TP73: variants seen among roughly 807,000 people sequenced by gnomAD.
TP73 encodes the protein tumor protein p73.
TP73 carries 25 observed loss-of-function variants against 62.5 expected under a neutral mutation model. The observed-to-expected ratio is 0.40, with a 90% CI of 0.29 to 0.56. The LOEUF (loss-of-function observed/expected upper bound fraction) is 0.56, where lower values mean the gene tolerates loss of function less well. Ranked by LOEUF, TP73 falls within the 20% of genes least tolerant of loss-of-function variation. TP73 has a pLI of 0.46. For missense variants in TP73, 754 were observed against 913.3 expected, an observed-to-expected ratio of 0.83 and a Z score of 2.25; for synonymous variants, 423 against 377.5, an observed-to-expected ratio of 1.12 and a Z score of -1.40.
intron 1 of TP73, among the ~76,000 whole-genome samples, chr1:3,676,229 G>A (rs1645364809): frequency 6.6e-6 from 1 of 150,838 alleles, no homozygotes; most frequent in Non-Finnish European, 1.5e-5. Flanking sequence ...AGAGGTCAAA[G>A]GGACAGGGAA....
At chr1:3,705,374 C>A (rs1354093018) in intron 3 of TP73, among the ~76,000 whole-genome samples, 1 of 152,202 alleles carries the variant, frequency 6.6e-6, no homozygotes, top group South Asian at 2.1e-4. Context: ...TTGTGGGGAG[C>A]GCGACAGACC....
chr1:3,653,132 C>T (rs748929976), intron 1 of TP73, among the ~76,000 whole-genome samples: 1 of 152,258 alleles, frequency 6.6e-6, no homozygotes, highest in Non-Finnish European at 1.5e-5. Flanking sequence ...GGGCCAGGCC[C>T]CCCTCTGGAC....
Position 3,731,088 on chromosome 1 carries a change from G to A in TP73, c.1484+23G>A, listed in dbSNP as rs1250396844. On this transcript the variant is annotated intron_variant, in intron 12 of 13. Transcript: ENST00000378295. ...CAGGTGCGTGGGCTGCCGAGGGCCT[G>A]AGCATGTGCTGTCACCCTGTCTGTT... 3.7e-6 allele frequency: 6 copies of A among 1,604,448 alleles called. 1 individual carries two copies. The Admixed American group carries it at 5.0e-5, about 13-fold the overall frequency.
At chr1:3,683,935 C>T (rs1645584993) in intron 3 of TP73, among the ~76,000 whole-genome samples, 1 of 152,254 alleles carries the variant, frequency 6.6e-6, no homozygotes, top group Non-Finnish European at 1.5e-5. Flanking sequence ...CCAGTGAGGC[C>T]TCCGGCACCC....
chr1:3,723,681 G>A (rs1451765571), intron 6 of TP73, among the ~76,000 whole-genome samples: 2 of 152,204 alleles, frequency 1.3e-5, no homozygotes, highest in Non-Finnish European at 2.9e-5. Context: ...CTGCTGCTCT[G>A]TCCCCACATC....
intron 1 of TP73, among the ~76,000 whole-genome samples, chr1:3,653,300 A>C (rs760672317): frequency 2.6e-5 from 4 of 152,184 alleles, no homozygotes; most frequent in Non-Finnish European, 4.4e-5. Flanking sequence ...GCCCGTGAAG[A>C]AATGGCCCGG....
intron 4 of TP73, among the ~76,000 whole-genome samples, chr1:3,721,179 G>A (rs896822880): frequency 6.6e-5 from 10 of 152,352 alleles, no homozygotes; most frequent in Middle Eastern, 3.4e-3. Flanking sequence ...CATGAGAGCC[G>A]GCCTGGGTCC....
At chr1:3,720,345 C>T (rs1025330899) in intron 4 of TP73, among the ~76,000 whole-genome samples, 1 of 152,192 alleles carries the variant, frequency 6.6e-6, no homozygotes, top group Non-Finnish European at 1.5e-5. Context: ...AGGTGGGGGT[C>T]GCAGGCAGGG....
chr1:3,691,989 A>G (rs1005383781), intron 3 of TP73, among the ~76,000 whole-genome samples: 18 of 152,082 alleles, frequency 1.2e-4, no homozygotes, highest in East Asian at 3.9e-4. Flanking sequence ...GTGTGCGTGC[A>G]TGTGTGTGTC....
intron 1 of TP73, among the ~76,000 whole-genome samples, chr1:3,676,424 G>T (rs1645370976): frequency 7.3e-6 from 1 of 137,636 alleles, no homozygotes; most frequent in Non-Finnish European, 1.6e-5. Context: ...GAGACAGGGG[G>T]ACAGGGAGAG....
intron 4 of TP73, among the ~76,000 whole-genome samples, chr1:3,711,125 C>T (rs1222617351): frequency 3.3e-5 from 5 of 152,256 alleles, no homozygotes; most frequent in Non-Finnish European, 5.9e-5. Flanking sequence ...GGCATCCTCA[C>T]CTGCAAAGAG....
intron 1 of TP73, among the ~76,000 whole-genome samples, chr1:3,657,156 G>T (rs1037352688): frequency 2.0e-5 from 3 of 152,252 alleles, no homozygotes; most frequent in Non-Finnish European, 4.4e-5. Flanking sequence ...TAAGTGGCTG[G>T]AAACAATAGA....
chr1:3,683,526 G>A (rs1183532448), intron 3 of TP73, among the ~76,000 whole-genome samples: 1 of 152,136 alleles, frequency 6.6e-6, no homozygotes, highest in Non-Finnish European at 1.5e-5. Context: ...TTCTACTGGT[G>A]GATCCAGGTA....
At chr1:3,727,043 TG>T (rs1641706418) in intron 6 of TP73, 71 bp from the exon 7 acceptor site, 4 of 1,339,258 alleles carry the variant, frequency 3.0e-6, no homozygotes, top group Non-Finnish European at 4.2e-6. Context: ...GACATGGAGC[TG>T]GGGGCTGCCA....
In TP73 at chr1:3,684,910, A is replaced by ACCTCTCC. The variant is rs560138146; in HGVS notation, c.186+1737_186+1743dup. Among the ~76,000 whole-genome samples, 34 of 151,796 alleles carry ACCTCTCC rather than the reference A, an allele frequency of 2.2e-4. No homozygotes were observed. The South Asian group carries it at 6.7e-3, about 30-fold the overall frequency. ...GGTAGTGCAAGAAAGTGAGACTGCA[A>ACCTCTCC]CCTCTCCCCTCTCTCGCTTTGGAAC... is the stretch of plus-strand genomic sequence containing the variant. On this transcript the variant is annotated intron_variant, in intron 3 of 13. Coordinates refer to ENST00000378295, the MANE Select transcript of TP73 (RefSeq NM_005427.4).
At chr1:3,713,551 T>A (rs1640339416) in intron 4 of TP73, among the ~76,000 whole-genome samples, 2 of 152,304 alleles carry the variant, frequency 1.3e-5, no homozygotes, top group South Asian at 4.1e-4. Flanking sequence ...GGTGGGTTTC[T>A]GCCACCCCAG....
rs770296050 is a variant in TP73 at position 3,692,080 on chromosome 1, GGT to G, written c.186+8909_186+8910del. ...TATGTTATGGGTGTGTGTACAGGCTGGTGTGTGTGTATGTACACGTGTTTGCC... is the reference window on the plus strand; with the variant it reads ...TATGTTATGGGTGTGTGTACAGGCTGGTGTGTGTATGTACACGTGTTTGCC... On this transcript the variant is annotated intron_variant, in intron 3 of 13. Coordinates refer to ENST00000378295, the MANE Select transcript of TP73 (RefSeq NM_005427.4). 7.9e-5 allele frequency among the ~76,000 whole-genome samples: 12 copies of G among 152,292 alleles called. No homozygotes were observed. The East Asian group carries it at 2.1e-3, about 27-fold the overall frequency.
intron 1 of TP73, among the ~76,000 whole-genome samples, chr1:3,659,599 G>A (rs1016686180): frequency 2.0e-5 from 3 of 152,006 alleles, no homozygotes; most frequent in Non-Finnish European, 2.9e-5. Context: ...AATATGGGGC[G>A]CACAATATGG....
intron 3 of TP73, among the ~76,000 whole-genome samples, chr1:3,697,701 C>T (rs1439519108): frequency 1.9e-4 from 29 of 152,212 alleles, no homozygotes. Flanking sequence ...GAAGAGGAGA[C>T]CTGCCTTTGC....
Sources: gnomAD v4.1 joint callset for allele counts (sites outside exome capture counted in the v4.1 genomes callset) on GRCh38, gnomAD v4.1.1 for gene constraint, MANE v1.5 for transcripts, NCBI Gene and HGNC (gene_info 2026-07-23, HGNC 2026-07-21) for gene names.